Variants in DENND2A observed in about 807,000 individuals in gnomAD.
DENND2A encodes DENN domain-containing protein 2A.
In DENND2A, 53 loss-of-function variants were observed where a neutral mutation model predicts 105.3. That is an observed-to-expected ratio of 0.50 (90% CI 0.40 to 0.63). DENND2A has a LOEUF of 0.63. Ranked by LOEUF, DENND2A falls within the 30% of genes least tolerant of loss-of-function variation. The pLI is 0.00. For synonymous variants in DENND2A, 522 were observed against 508.4 expected (o/e 1.03, Z -0.36); for missense variants, 1,138 against 1,279.6 (o/e 0.89, Z 1.69).
At position 140,567,838 on chromosome 7, in the gene DENND2A, T is replaced by A. The variant is rs116668894; in HGVS notation, c.1592-565A>T. Among the ~76,000 whole-genome samples the A allele has an allele frequency of 5.6e-3, 853 of 152,280 alleles. 10 individuals carry two copies. Among genetic ancestry groups the A allele is most frequent in the African/African-American group, 0.018 (746 of 41,548 alleles). On this transcript the variant is annotated intron_variant, in intron 8 of 19. Transcript: ENST00000496613. ...CCACTAACTCTGCAATGAAATGGCC[T>A]TGCTTCATTCTAGAGGTGAGTCCGG...
intron 5 of DENND2A, among the ~76,000 whole-genome samples, chr7:140,583,177 C>T (rs527346872): frequency 1.1e-4 from 16 of 151,976 alleles, no homozygotes; most frequent in South Asian, 6.2e-4. Flanking sequence ...CCCAGCTACT[C>T]GGGAGGCTGT....
At chr7:140,628,059 G>A (rs1800599988) in intron 1 of DENND2A, among the ~76,000 whole-genome samples, 1 of 152,080 alleles carries the variant, frequency 6.6e-6, no homozygotes, top group Non-Finnish European at 1.5e-5. Flanking sequence ...CAAAGTGCTG[G>A]GATTACAGGT....
At chr7:140,610,538 A>G (rs1799857153) in intron 1 of DENND2A, among the ~76,000 whole-genome samples, 1 of 152,130 alleles carries the variant, frequency 6.6e-6, no homozygotes, top group Admixed American at 6.6e-5. Context: ...TTATATATAT[A>G]TATGTATATA....
At chr7:140,557,241 C>T (rs73491556) in intron 11 of DENND2A, among the ~76,000 whole-genome samples, 2,072 of 151,122 alleles carry the variant, frequency 0.014, 45 homozygotes, top group African/African-American at 0.048. Context: ...CCTGTCTCTA[C>T]AAATAATTAA....
intron 5 of DENND2A, among the ~76,000 whole-genome samples, chr7:140,577,157 T>C (rs1007532405): frequency 6.6e-6 from 1 of 152,106 alleles, no homozygotes; most frequent in East Asian, 1.9e-4. Context: ...GGGATTTCAG[T>C]AGATATTTAT....
chr7:140,542,858 G>C (rs895428068), intron 14 of DENND2A, among the ~76,000 whole-genome samples: 1 of 151,932 alleles, frequency 6.6e-6, no homozygotes, highest in African/African-American at 2.4e-5. Context: ...GAGCCACCGC[G>C]CCTGGCCTAC....
intron 12 of DENND2A, among the ~76,000 whole-genome samples, chr7:140,555,026 A>T (rs889247221): frequency 1.3e-5 from 2 of 152,142 alleles, no homozygotes; most frequent in African/African-American, 4.8e-5. Flanking sequence ...AAGAAAAATA[A>T]AACACCTGGA....
intron 14 of DENND2A, among the ~76,000 whole-genome samples, chr7:140,537,005 T>C (rs931965504): frequency 6.6e-5 from 10 of 152,210 alleles, no homozygotes; most frequent in African/African-American, 2.4e-4. Flanking sequence ...TAAATGTACT[T>C]ATCTCTAAGA....
intron 3 of DENND2A, among the ~76,000 whole-genome samples, chr7:140,600,362 A>AGTGTAG (rs1799439208): frequency 6.6e-6 from 1 of 151,932 alleles, no homozygotes; most frequent in Non-Finnish European, 1.5e-5. Context: ...TTAGGGAGTG[A>AGTGTAG]GTGTAGATGG....
chr7:140,638,772 G>A (rs932072072), intron 1 of DENND2A, among the ~76,000 whole-genome samples: 3 of 152,166 alleles, frequency 2.0e-5, no homozygotes, highest in Non-Finnish European at 4.4e-5. Flanking sequence ...TTGGTGAGGC[G>A]GTTTTCAGGG....
At chr7:140,551,162 G>T (rs373415872) in intron 12 of DENND2A, among the ~76,000 whole-genome samples, 9 of 151,784 alleles carry the variant, frequency 5.9e-5, no homozygotes, top group African/African-American at 2.2e-4. Context: ...TTAGCTGGGT[G>T]TGGTGGCGGG....
chr7:140,558,351 C>G, intron 10 of DENND2A, 139 bp from the exon 11 acceptor site: 1 of 609,198 alleles, frequency 1.6e-6, no homozygotes, highest in Non-Finnish European at 2.9e-6. Context: ...CCTGTCCCAC[C>G]TGTCCCTGTC....
intron 14 of DENND2A, among the ~76,000 whole-genome samples, chr7:140,530,686 T>C (rs1796228430): frequency 6.6e-6 from 1 of 151,462 alleles, no homozygotes; most frequent in South Asian, 2.1e-4. Context: ...TTAAGGAGAA[T>C]ACTATCCAGA....
Position 140,635,781 on chromosome 7 carries a change from G to T in DENND2A, c.-248+4723C>A, listed in dbSNP as rs186474241. Among the ~76,000 whole-genome samples the T allele has an allele frequency of 7.9e-5, 12 of 152,308 alleles. No homozygotes were observed. In the South Asian group the frequency reaches 1.5e-3, roughly 18 times the overall value. ...AAGCCAGGGACAAACGTGCCAAAGA[G>T]AAGCTGAAGGTAGAGTCGCAATTCT... is the stretch of plus-strand genomic sequence containing the variant. On this transcript the variant is annotated intron_variant, in intron 1 of 19. Transcript: ENST00000496613.
chr7:140,532,645 A>T (rs1005431350), intron 14 of DENND2A, among the ~76,000 whole-genome samples: 2 of 152,180 alleles, frequency 1.3e-5, no homozygotes, highest in Admixed American at 1.3e-4. Flanking sequence ...CTCTGAATGT[A>T]GGATGGGGCA....
At position 140,559,120 on chromosome 7, in the gene DENND2A, C is replaced by A. The variant is rs1451847679; in HGVS notation, c.1889+588G>T. Among the ~76,000 whole-genome samples, 1 of 152,092 alleles carries A rather than the reference C, an allele frequency of 6.6e-6. No homozygotes were observed. Among genetic ancestry groups the A allele is most frequent in the Non-Finnish European group, 1.5e-5 (1 of 68,022 alleles). On this transcript the variant is annotated intron_variant, in intron 10 of 19. Transcript: ENST00000496613. This position sits in a 1 kb window ranked among gnomAD's most constrained non-coding sequence, Gnocchi z 4.1. ...GGGATGTGACTCGGTGAGGGAGCAG[C>A]GGAAGATGGGGACAGTTCTGTGCCC... is the stretch of plus-strand genomic sequence containing the variant.
At chr7:140,611,587 A>G (rs1385986226) in intron 1 of DENND2A, among the ~76,000 whole-genome samples, 1 of 152,188 alleles carries the variant, frequency 6.6e-6, no homozygotes, top group Non-Finnish European at 1.5e-5. Context: ...GCGTTGGTCA[A>G]TTGATGGATT....
chr7:140,636,858 TTC>T (rs1325035503), intron 1 of DENND2A, among the ~76,000 whole-genome samples: 2 of 151,804 alleles, frequency 1.3e-5, no homozygotes, highest in Non-Finnish European at 2.9e-5. Context: ...TGTGGTTAAT[TTC>T]TTTTATTTAT....
chr7:140,611,368 CA>C (rs950648673), intron 1 of DENND2A, among the ~76,000 whole-genome samples: 13 of 151,822 alleles, frequency 8.6e-5, no homozygotes, highest in Admixed American at 2.0e-4. Context: ...CCCATCTCTA[CA>C]AAAAATAAAA....
Sources: gnomAD v4.1 joint callset for allele counts (sites outside exome capture counted in the v4.1 genomes callset) on GRCh38, gnomAD v4.1.1 for gene constraint, Gnocchi (gnomAD v3.1) non-coding constraint, MANE v1.5 for transcripts, NCBI Gene and HGNC (gene_info 2026-07-23, HGNC 2026-07-21) for gene names.